The following SIPA1L2 variants were observed in gnomAD, a reference collection of about 807,000 sequenced individuals.
SIPA1L2 encodes the protein signal-induced proliferation-associated 1-like protein 2.
Under a neutral mutation model 163.9 loss-of-function variants are expected in SIPA1L2, and 56 were observed. The observed-to-expected ratio is 0.34, with a 90% CI of 0.28 to 0.43. The LOEUF (loss-of-function observed/expected upper bound fraction) is 0.43, where lower values mean the gene tolerates loss of function less well. SIPA1L2 is among the 20% of genes least tolerant of loss of function. SIPA1L2 has a pLI of 1.00. For synonymous variants in SIPA1L2, 877 were observed against 865.7 expected (o/e 1.01, Z -0.23); for missense variants, 1,974 against 2,193.5 (o/e 0.90, Z 2.00).
intron 1 of SIPA1L2, among the ~76,000 whole-genome samples, chr1:232,606,874 A>T (rs932106965): frequency 6.6e-6 from 1 of 151,976 alleles, no homozygotes; most frequent in Non-Finnish European, 1.5e-5. Flanking sequence ...CATGTACCAA[A>T]AACATATCTA....
intron 3 of SIPA1L2, among the ~76,000 whole-genome samples, chr1:232,497,292 G>T (rs1204909917): frequency 6.6e-6 from 1 of 152,148 alleles, no homozygotes; most frequent in Non-Finnish European, 1.5e-5. Context: ...GCACATTTTA[G>T]AAAAGTCAAT....
At chr1:232,553,757 G>A (rs939542769) in intron 2 of SIPA1L2, among the ~76,000 whole-genome samples, 1 of 151,974 alleles carries the variant, frequency 6.6e-6, no homozygotes, top group African/African-American at 2.4e-5. Context: ...TTTAAAAATT[G>A]GTCTTTTCTG....
intron 7 of SIPA1L2, among the ~76,000 whole-genome samples, chr1:232,476,514 A>G (rs1436385316): frequency 6.6e-6 from 1 of 152,156 alleles, no homozygotes; most frequent in Non-Finnish European, 1.5e-5. Context: ...ATGACATCCC[A>G]CGATGGCTTA....
intron 2 of SIPA1L2, among the ~76,000 whole-genome samples, chr1:232,561,026 T>G (rs1659005136): frequency 6.6e-6 from 1 of 152,248 alleles, no homozygotes; most frequent in Admixed American, 6.5e-5. Context: ...GACAGATATA[T>G]TATGACTCTT....
At chr1:232,404,338 T>C (rs1266476827) in intron 19 of SIPA1L2, among the ~76,000 whole-genome samples, 160 bp from the exon 20 acceptor site, 1 of 152,134 alleles carries the variant, frequency 6.6e-6, no homozygotes, top group Non-Finnish European at 1.5e-5. Context: ...TGCAATGAGA[T>C]GACACATTTC....
intron 1 of SIPA1L2, among the ~76,000 whole-genome samples, chr1:232,587,586 T>C (rs12046340): frequency 0.28 from 42,712 of 151,978 alleles, 6,152 homozygotes; most frequent in African/African-American, 0.32. Context: ...TGTACCTTAC[T>C]ACACAGCAAG....
intron 1 of SIPA1L2, among the ~76,000 whole-genome samples, chr1:232,604,647 C>A (rs1661792885): frequency 6.6e-6 from 1 of 152,092 alleles, no homozygotes; most frequent in Non-Finnish European, 1.5e-5. Context: ...TGTCCCCACC[C>A]AAATCTCATG....
rs748634472 is a variant in SIPA1L2 at position 232,514,720 on chromosome 1, T to G, written c.620A>C (p.Asn207Thr). 4 of 1,613,902 alleles carry G rather than the reference T, an allele frequency of 2.5e-6. No homozygotes were observed. The Admixed American group carries it at 6.7e-5, about 27-fold the overall frequency. Reference sequence around the variant, plus strand: ...GTACCCTCTGAGCATAGCAAAAAAGTTTTCACCAGATAAGCCTTGCCTGTC... The same window carrying G: ...GTACCCTCTGAGCATAGCAAAAAAGGTTTCACCAGATAAGCCTTGCCTGTC... ...SIDRQGLSGE[N>T]FFAMLRGYRV... Residue 207 changes from asparagine (N) to threonine (T), a missense_variant, in exon 3 of 23, where the codon AAC becomes ACC. Physicochemically the swap from Asn to Thr is moderately conservative, Grantham distance 65. Around this residue, in one of 3 missense-constraint regions of SIPA1L2, gnomAD observed 607 missense variants for 624.0 expected, o/e 0.97. Coordinates refer to ENST00000674635, the MANE Select transcript of SIPA1L2 (RefSeq NM_020808.5).
chr1:232,575,568 T>C (rs942783564), intron 1 of SIPA1L2, among the ~76,000 whole-genome samples: 1 of 152,054 alleles, frequency 6.6e-6, no homozygotes, highest in Non-Finnish European at 1.5e-5. Context: ...TTGTAGCCAA[T>C]GTAGACAGTT....
chr1:232,528,949 A>G (rs932460119), intron 2 of SIPA1L2, among the ~76,000 whole-genome samples: 2 of 152,190 alleles, frequency 1.3e-5, no homozygotes, highest in African/African-American at 4.8e-5. Flanking sequence ...TAGACTCACA[A>G]TCAGAACATG....
intron 19 of SIPA1L2, among the ~76,000 whole-genome samples, chr1:232,406,584 AGGCCAAGGCTGGATT>A (rs1660646011): frequency 6.6e-6 from 1 of 152,194 alleles, no homozygotes; most frequent in South Asian, 2.1e-4. Context: ...CAGGAACATA[AGGCCAAGGCTGGATT>A]GGTGGGGGTG....
chr1:232,485,954 G>A (rs1665626682), intron 5 of SIPA1L2, among the ~76,000 whole-genome samples: 1 of 152,152 alleles, frequency 6.6e-6, no homozygotes, highest in Non-Finnish European at 1.5e-5. Flanking sequence ...CTGCTCTGGT[G>A]GCTGCTGTCC....
chr1:232,561,335 C>T (rs789654), intron 2 of SIPA1L2: 45,540 of 152,116 alleles, frequency 0.3, 8,004 homozygotes, highest in East Asian at 0.56. Context: ...CACATATGTA[C>T]CTGTCACTAT....
At chr1:232,537,367 C>A (rs1244648140) in intron 2 of SIPA1L2, among the ~76,000 whole-genome samples, 1 of 152,056 alleles carries the variant, frequency 6.6e-6, no homozygotes, top group Non-Finnish European at 1.5e-5. Context: ...TTCCTATGTA[C>A]ATAAGTATGC....
At chr1:232,477,236 A>G (rs1285207906) in intron 7 of SIPA1L2, among the ~76,000 whole-genome samples, 1 of 152,338 alleles carries the variant, frequency 6.6e-6, no homozygotes, top group Non-Finnish European at 1.5e-5. Flanking sequence ...TTAGTTTTTC[A>G]TAATAGATCT....
intron 9 of SIPA1L2, among the ~76,000 whole-genome samples, chr1:232,462,969 G>A (rs538218240): frequency 6.6e-6 from 1 of 152,260 alleles, no homozygotes; most frequent in African/African-American, 2.4e-5. Flanking sequence ...CATGTATTTG[G>A]ACTTCTTCCA....
chr1:232,399,372 T>A, intron 22 of SIPA1L2, 99 bp from the exon 23 acceptor site: 7 of 1,356,642 alleles, frequency 5.2e-6, no homozygotes, highest in Non-Finnish European at 7.0e-6. Flanking sequence ...TTTTTACTTA[T>A]GTACTTTTTG....
At chr1:232,509,629 C>T (rs1297559027) in intron 3 of SIPA1L2, among the ~76,000 whole-genome samples, 2 of 152,212 alleles carry the variant, frequency 1.3e-5, no homozygotes, top group African/African-American at 4.8e-5. Context: ...TGTCCAGTGG[C>T]TGAAGCGGGA....
intron 2 of SIPA1L2, among the ~76,000 whole-genome samples, chr1:232,545,997 G>A (rs1000914020): frequency 1.3e-5 from 2 of 152,286 alleles, no homozygotes; most frequent in East Asian, 1.9e-4. Context: ...TGTCACTGAC[G>A]TAGGCACAAT....
Sources: gnomAD v4.1 joint callset for allele counts (sites outside exome capture counted in the v4.1 genomes callset) on GRCh38, gnomAD v4.1.1 for gene constraint, gnomAD v4.1.1 regional missense constraint, MANE v1.5 for transcripts, NCBI Gene and HGNC (gene_info 2026-07-23, HGNC 2026-07-21) for gene names.